SLC25A48: variants seen among roughly 807,000 people sequenced by gnomAD.
SLC25A48 encodes CTC-321K16.1.
Under a neutral mutation model 32.2 loss-of-function variants are expected in SLC25A48, and 29 were observed. The ratio of observed to expected loss-of-function variants is 0.90; its 90% CI spans 0.67 to 1.23. SLC25A48 has a LOEUF of 1.23. Ranked by LOEUF, SLC25A48 falls within the 50% of genes most tolerant of loss-of-function variation. The pLI, the probability that SLC25A48 is intolerant of heterozygous loss-of-function variation, is 0.00. For synonymous variants in SLC25A48, 164 were observed against 172.3 expected (o/e 0.95, Z 0.38); for missense variants, 399 against 422.7 (o/e 0.94, Z 0.49).
At chr5:135,627,996 A>G (rs1466044556) in intron 1 of SLC25A48, among the ~76,000 whole-genome samples, 1 of 152,168 alleles carries the variant, frequency 6.6e-6, no homozygotes, top group African/African-American at 2.4e-5. Flanking sequence ...ATGCTGAGGC[A>G]TGCACACAGG....
chr5:135,717,108 A>G (rs1270728144), intron 3 of SLC25A48, among the ~76,000 whole-genome samples: 2 of 152,094 alleles, frequency 1.3e-5, no homozygotes, highest in Non-Finnish European at 2.9e-5. Flanking sequence ...CCTGATCAGT[A>G]GCTGTCCACC....
At chr5:135,839,945 T>G (rs1370950783) in intron 1 of SLC25A48, among the ~76,000 whole-genome samples, 1 of 152,230 alleles carries the variant, frequency 6.6e-6, no homozygotes, top group East Asian at 1.9e-4. Flanking sequence ...CCTCCCCAGC[T>G]ATGTGGGACT....
At chr5:135,681,541 G>A (rs1561788144) in intron 3 of SLC25A48, among the ~76,000 whole-genome samples, 1 of 152,054 alleles carries the variant, frequency 6.6e-6, no homozygotes, top group Non-Finnish European at 1.5e-5. Context: ...TATTATTTCT[G>A]TGTGTTTCTT....
At chr5:135,860,219 T>G (rs1319965964) in intron 4 of SLC25A48, among the ~76,000 whole-genome samples, 1 of 152,230 alleles carries the variant, frequency 6.6e-6, no homozygotes, top group Non-Finnish European at 1.5e-5. Context: ...TTTGCAAAGG[T>G]AGTTTCATAA....
In SLC25A48 at chr5:135,777,740, A is replaced by T. The variant is rs146426322; in HGVS notation, c.-520-34783A>T. ...AAAATAGAATTATATTACTCCCAAT[A>T]CCGAATGATGTGTACAACCCCCTGT... On this transcript the variant is annotated intron_variant, in intron 3 of 10. Coordinates refer to the SLC25A48 transcript ENST00000646290. 1.9e-3 allele frequency among the ~76,000 whole-genome samples: 281 copies of T among 147,818 alleles called. 2 individuals are homozygous for T. Among genetic ancestry groups the T allele is most frequent in the African/African-American group, 6.7e-3 (266 of 39,832 alleles).
chr5:135,885,884 G>GT (rs1225414845), intron 7 of SLC25A48, among the ~76,000 whole-genome samples: 1 of 152,168 alleles, frequency 6.6e-6, no homozygotes, highest in Non-Finnish European at 1.5e-5. Flanking sequence ...CAGCAACATT[G>GT]TAAGTGCAGA....
intron 3 of SLC25A48, among the ~76,000 whole-genome samples, chr5:135,657,199 C>T (rs968656682): frequency 2.6e-5 from 4 of 152,128 alleles, no homozygotes; most frequent in African/African-American, 4.8e-5. Flanking sequence ...TGATTCAGTT[C>T]CAAGCAGAAC....
intron 3 of SLC25A48, among the ~76,000 whole-genome samples, chr5:135,753,531 C>G (rs924057629): frequency 6.6e-6 from 1 of 151,850 alleles, no homozygotes; most frequent in Admixed American, 6.6e-5. Context: ...AGCCTAATAT[C>G]GTGGGGTGTA....
At chr5:135,840,407 C>A (rs573689888) in intron 1 of SLC25A48, among the ~76,000 whole-genome samples, 34 of 152,298 alleles carry the variant, frequency 2.2e-4, no homozygotes, top group Non-Finnish European at 4.3e-4. Context: ...TACCCTACCC[C>A]GCTTTTTGAG....
chr5:135,732,646 T>C (rs1465636777), intron 3 of SLC25A48, among the ~76,000 whole-genome samples: 1 of 152,174 alleles, frequency 6.6e-6, no homozygotes, highest in Admixed American at 6.5e-5. Flanking sequence ...AGAGGTGGGC[T>C]AGCAGCTTGT....
At chr5:135,783,836 A>G (rs1756776196) in intron 3 of SLC25A48, among the ~76,000 whole-genome samples, 1 of 118,776 alleles carries the variant, frequency 8.4e-6, no homozygotes, top group African/African-American at 2.6e-5. Context: ...ATTAATTCCA[A>G]TATCGCTGGG....
chr5:135,876,611 G>C (rs1762080306), intron 6 of SLC25A48, among the ~76,000 whole-genome samples: 1 of 152,052 alleles, frequency 6.6e-6, no homozygotes, highest in Non-Finnish European at 1.5e-5. Context: ...CCCTGCCTGT[G>C]GTCCCTGTCC....
At chr5:135,660,747 G>A (rs1464238888) in intron 3 of SLC25A48, among the ~76,000 whole-genome samples, 3 of 10,836 alleles carry the variant, frequency 2.8e-4, no homozygotes, top group East Asian at 2.8e-3. Context: ...TCAAGCTTTC[G>A]TGTCATACAA....
At chr5:135,717,150 C>T (rs1187268608) in intron 3 of SLC25A48, among the ~76,000 whole-genome samples, 3 of 152,168 alleles carry the variant, frequency 2.0e-5, no homozygotes, top group Non-Finnish European at 4.4e-5. Context: ...TCAGGGAGCT[C>T]ACTACCTGCT....
intron 2 of SLC25A48, among the ~76,000 whole-genome samples, chr5:135,630,833 C>G (rs893071048): frequency 2.6e-5 from 4 of 151,946 alleles, no homozygotes; most frequent in Admixed American, 6.6e-5. Context: ...AACTTGTGAC[C>G]TCAAGTGATC....
intron 1 of SLC25A48, among the ~76,000 whole-genome samples, chr5:135,836,833 T>C (rs936697741): frequency 6.6e-6 from 1 of 152,190 alleles, no homozygotes; most frequent in Non-Finnish European, 1.5e-5. Context: ...CCTAAGACCA[T>C]GCATCTAGCA....
intron 3 of SLC25A48, among the ~76,000 whole-genome samples, chr5:135,693,032 A>G (rs552127141): frequency 6.6e-6 from 1 of 152,228 alleles, no homozygotes. Context: ...TTAAATTTCA[A>G]AAGTGTTTGT....
chr5:135,849,954 T>C (rs180866242), intron 2 of SLC25A48, among the ~76,000 whole-genome samples: 15 of 151,990 alleles, frequency 9.9e-5, no homozygotes, highest in Non-Finnish European at 2.9e-5. Flanking sequence ...CTGCCTGTTG[T>C]GTAAAGAGAA....
chr5:135,655,638 T>C (rs1753227866), intron 3 of SLC25A48, among the ~76,000 whole-genome samples: 1 of 152,202 alleles, frequency 6.6e-6, no homozygotes, highest in Admixed American at 6.5e-5. Context: ...GTGCAAATCT[T>C]TTCACTCAGA....
Sources: gnomAD v4.1 joint callset for allele counts (sites outside exome capture counted in the v4.1 genomes callset) on GRCh38, gnomAD v4.1.1 for gene constraint, MANE v1.5 for transcripts, NCBI Gene and HGNC (gene_info 2026-07-23, HGNC 2026-07-21) for gene names.